PARD3B: variants seen among roughly 807,000 people sequenced by gnomAD.
PARD3B encodes the protein partitioning defective 3 homolog B.
A neutral mutation model predicts 130.2 loss-of-function variants in PARD3B; 103 were observed. The observed-to-expected ratio is 0.79, with a 90% CI of 0.67 to 0.93. The LOEUF (loss-of-function observed/expected upper bound fraction) is 0.93. PARD3B is among the 40% of genes least tolerant of loss of function. The pLI is 0.00. For synonymous variants in PARD3B, 583 were observed against 553.2 expected (o/e 1.05, Z -0.76); for missense variants, 1,609 against 1,499.2 (o/e 1.07, Z -1.21).
At chr2:204,622,132 G>A (rs944148779) in intron 1 of PARD3B, among the ~76,000 whole-genome samples, 1 of 152,184 alleles carries the variant, frequency 6.6e-6, no homozygotes, top group African/African-American at 2.4e-5. Flanking sequence ...TTCAGTTTAG[G>A]TTCTACCTTT....
At chr2:205,262,010 C>A (rs2040332713) in intron 16 of PARD3B, among the ~76,000 whole-genome samples, 1 of 152,084 alleles carries the variant, frequency 6.6e-6, no homozygotes, top group Non-Finnish European at 1.5e-5. Flanking sequence ...CTAACAAAAG[C>A]CTCTCTCCTC....
chr2:204,606,321 G>A lies in PARD3B; in HGVS notation c.120+60202G>A, dbSNP rs909012426. On this transcript the variant is annotated intron_variant, in intron 1 of 22. Transcript: ENST00000406610. This position sits in a 1 kb window ranked among gnomAD's most constrained non-coding sequence, Gnocchi z 4.0. ...ACCTCAGTGGCTTTAGTACTTTTTA[G>A]TACTAAGAGGACTACTTTTTTAGTA... is the stretch of plus-strand genomic sequence containing the variant. Among the ~76,000 whole-genome samples, 2 of 152,084 alleles carry A rather than the reference G, an allele frequency of 1.3e-5. No individual in the cohort carries two copies. Among genetic ancestry groups the A allele is most frequent in the Admixed American group, 1.3e-4 (2 of 15,250 alleles).
chr2:205,046,303 AAT>A (rs1698775279), intron 3 of PARD3B, among the ~76,000 whole-genome samples: 1 of 151,504 alleles, frequency 6.6e-6, no homozygotes, highest in Admixed American at 6.6e-5. Flanking sequence ...CCAACCGTAC[AAT>A]TATTGGTATG....
In PARD3B at chr2:205,431,193, C is replaced by G. The variant is rs2047319866; in HGVS notation, c.2742-9177C>G. On this transcript the variant is annotated intron_variant, in intron 19 of 22. Coordinates refer to ENST00000406610, the MANE Select transcript of PARD3B (RefSeq NM_001302769.2). ...CCAGGTTCAAGCAATTCTCGTGCCT[C>G]AGCCTCCCAAGTAGCTGGGATTATA... Among the ~76,000 whole-genome samples the G allele has an allele frequency of 2.6e-5, 4 of 152,356 alleles. No individual in the cohort carries two copies. The South Asian group carries it at 8.3e-4, about 32-fold the overall frequency.
intron 3 of PARD3B, among the ~76,000 whole-genome samples, chr2:205,036,209 T>C (rs1475889391): frequency 6.8e-6 from 1 of 146,282 alleles, no homozygotes; most frequent in African/African-American, 2.5e-5. Flanking sequence ...GTGGACTATA[T>C]ATATAAAATA....
In PARD3B at chr2:204,912,547, G is replaced by A. The variant is rs533009973; in HGVS notation, c.223-52605G>A. Among the ~76,000 whole-genome samples, 4 of 152,244 alleles carry A rather than the reference G, an allele frequency of 2.6e-5. No individual in the cohort carries two copies. The South Asian group carries it at 6.2e-4, about 24-fold the overall frequency. On this transcript the variant is annotated intron_variant, in intron 2 of 22. Transcript: ENST00000406610. The stretch of plus-strand genomic sequence containing the variant: ...TTTCATCAAATTTTAAAAGTGCGAA[G>A]TATACAGATTTTAAATGCATTTCAA...
chr2:204,816,473 CTT>C (rs1188491991), intron 2 of PARD3B, among the ~76,000 whole-genome samples: 8 of 151,658 alleles, frequency 5.3e-5, no homozygotes, highest in Non-Finnish European at 7.4e-5. Context: ...TTTGTAATGT[CTT>C]TATTTCATCT....
intron 2 of PARD3B, among the ~76,000 whole-genome samples, chr2:204,879,612 G>T (rs1010301768): frequency 4.6e-5 from 7 of 152,138 alleles, no homozygotes; most frequent in Admixed American, 3.9e-4. Context: ...ATTTTCTTGG[G>T]AACCAAATGC....
intron 3 of PARD3B, among the ~76,000 whole-genome samples, chr2:204,966,562 T>C (rs752906274): frequency 2.0e-5 from 3 of 152,216 alleles, no homozygotes; most frequent in Admixed American, 6.5e-5. Flanking sequence ...CTCTTGCTTA[T>C]TTTAATATTC....
At chr2:205,330,624 A>C (rs1178773677) in intron 18 of PARD3B, among the ~76,000 whole-genome samples, 1 of 152,216 alleles carries the variant, frequency 6.6e-6, no homozygotes, top group African/African-American at 2.4e-5. Context: ...GCTACATTAC[A>C]GCCCTTTTAG....
At chr2:204,823,716 G>A (rs1041344570) in intron 2 of PARD3B, among the ~76,000 whole-genome samples, 1 of 152,166 alleles carries the variant, frequency 6.6e-6, no homozygotes, top group African/African-American at 2.4e-5. Flanking sequence ...AAGGCGGTTA[G>A]ATCACCTGAG....
chr2:204,786,389 G>C (rs1315588571), intron 2 of PARD3B, among the ~76,000 whole-genome samples: 1 of 151,970 alleles, frequency 6.6e-6, no homozygotes, highest in African/African-American at 2.4e-5. Context: ...ACAAAGGATG[G>C]CTTTCTTGTG....
intron 3 of PARD3B, among the ~76,000 whole-genome samples, chr2:204,969,453 A>G (rs1276761386): frequency 6.6e-6 from 1 of 152,114 alleles, no homozygotes; most frequent in Non-Finnish European, 1.5e-5. Flanking sequence ...CCTCACCTCC[A>G]CTCAAAAGAT....
intron 2 of PARD3B, among the ~76,000 whole-genome samples, chr2:204,688,658 G>A (rs1300527954): frequency 6.6e-6 from 1 of 150,420 alleles, no homozygotes; most frequent in Non-Finnish European, 1.5e-5. Flanking sequence ...TTTCTTTATA[G>A]TCCATATGTC....
intron 2 of PARD3B, among the ~76,000 whole-genome samples, chr2:204,939,121 T>G (rs896125876): frequency 6.6e-6 from 1 of 151,148 alleles, no homozygotes; most frequent in African/African-American, 2.4e-5. Flanking sequence ...AAATCACAAG[T>G]GCATTTTTTT....
intron 1 of PARD3B, among the ~76,000 whole-genome samples, chr2:204,593,179 C>G (rs1194710775): frequency 6.6e-6 from 1 of 152,088 alleles, no homozygotes; most frequent in Non-Finnish European, 1.5e-5. Flanking sequence ...ATGGTGACTA[C>G]CAAAAGACAA....
intron 21 of PARD3B, among the ~76,000 whole-genome samples, chr2:205,535,903 T>A (rs77378238): frequency 0.014 from 2,062 of 152,322 alleles, 20 homozygotes; most frequent in Middle Eastern, 0.024. Context: ...ACCCCAAATT[T>A]CATTTCCTGG....
chr2:204,703,878 AT>A lies in PARD3B; in HGVS notation c.222+17605del, dbSNP rs534203233. On this transcript the variant is annotated intron_variant, in intron 2 of 22. Coordinates refer to ENST00000406610, the MANE Select transcript of PARD3B (RefSeq NM_001302769.2). ...CCACAATGTAGGGCACATTTCTATA[AT>A]TTTTTTTTAAAGTTTTCTTGGCACC... is the stretch of plus-strand genomic sequence containing the variant. 1.5e-3 allele frequency among the ~76,000 whole-genome samples: 229 copies of A among 151,824 alleles called. 1 individual carries two copies. In the South Asian group the frequency reaches 0.028, roughly 18 times the overall value.
At chr2:205,101,315 C>T (rs549997060) in intron 4 of PARD3B, among the ~76,000 whole-genome samples, 11 of 151,530 alleles carry the variant, frequency 7.3e-5, no homozygotes, top group Non-Finnish European at 1.3e-4. Context: ...TGAAAATAAG[C>T]TGTGGCAAGT....
Sources: gnomAD v4.1 joint callset for allele counts (sites outside exome capture counted in the v4.1 genomes callset) on GRCh38, gnomAD v4.1.1 for gene constraint, Gnocchi (gnomAD v3.1) non-coding constraint, MANE v1.5 for transcripts, NCBI Gene and HGNC (gene_info 2026-07-23, HGNC 2026-07-21) for gene names.